Variants in BTBD17 observed in about 807,000 individuals in gnomAD.
BTBD17 encodes BTB/POZ domain-containing protein 17.
BTBD17 carries 26 observed loss-of-function variants against 36.9 expected under a neutral mutation model. The ratio of observed to expected loss-of-function variants is 0.70; its 90% confidence interval spans 0.52 to 0.98. The LOEUF (loss-of-function observed/expected upper bound fraction) is 0.98. BTBD17 is among the 50% of genes least tolerant of loss of function. The pLI is 0.00. For synonymous variants in BTBD17, 341 were observed against 338.0 expected (o/e 1.01, Z -0.10); for missense variants, 630 against 691.3 (o/e 0.91, Z 0.99).
Position 74,356,919 on chromosome 17 carries a change from C to G in BTBD17, c.1175G>C (p.Arg392Pro). The G allele has an allele frequency of 2.1e-6, 3 of 1,415,132 alleles. No individual in the cohort carries two copies. Among genetic ancestry groups the G allele is most frequent in the Non-Finnish European group, 2.7e-6 (3 of 1,096,490 alleles). 87.7% of individuals were successfully genotyped at this position (1,415,132 alleles called of 1,614,324 possible). A position where few individuals can be genotyped will look rare whatever the true frequency, so the allele number is the denominator to read the frequency against. Reference protein sequence around the residue: ...PAARPEDGRPRLVVTPASSGG... With the variant: ...PAARPEDGRPPLVVTPASSGG... The stretch of plus-strand genomic sequence containing the variant: ...GCTGCTGGCCGGCGTCACCACCAGC[C>G]GCGGTCGGCCGTCCTCCGGGCGCGC... Residue 392 changes from arginine (R) to proline (P), a missense_variant, in exon 3 of 3, where the codon CGG becomes CCG. Transcript: ENST00000375366. The surrounding 1 kb of genome is among the most constrained non-coding windows in gnomAD (Gnocchi z 4.3).
chr17:74,360,264 C>T lies in BTBD17; in HGVS notation c.86-19G>A. The T allele has an allele frequency of 6.3e-7, 1 of 1,587,766 alleles. No homozygotes were observed. The highest frequency in any genetic ancestry group is 8.6e-7 in the Non-Finnish European group (1 of 1,164,640). ...CTCTGTGCTGCAGCAGGAAGGAACA[C>T]AGCATAGCCTGAGAAGGTGCCCGGG... On this transcript the variant is annotated intron_variant, in intron 1 of 2. Coordinates refer to ENST00000375366, the MANE Select transcript of BTBD17 (RefSeq NM_001080466.2).
chr17:74,361,963 C>T, upstream of BTBD17: 1 of 643,322 alleles, frequency 1.6e-6, no homozygotes, highest in South Asian at 2.0e-5. Flanking sequence ...CAGCCTCCTC[C>T]ATGGATTGGT....
At chr17:74,360,435 C>T (rs1209820201) in intron 1 of BTBD17, among the ~76,000 whole-genome samples, 190 bp from the exon 2 acceptor site, 3 of 152,184 alleles carry the variant, frequency 2.0e-5, no homozygotes, top group Non-Finnish European at 2.9e-5. Flanking sequence ...CACATACAAA[C>T]GCACCCTGGG....
upstream of BTBD17, chr17:74,361,978 A>G: frequency 3.3e-6 from 2 of 605,122 alleles, no homozygotes; most frequent in South Asian, 2.1e-5. Context: ...ATTGGTGGAA[A>G]CTGGCCCCAG....
chr17:74,361,885 TCTTC>T, upstream of BTBD17: 1 of 1,354,134 alleles, frequency 7.4e-7, no homozygotes, highest in Non-Finnish European at 1.0e-6. Flanking sequence ...CTCACATCCC[TCTTC>T]CTTATATAGG....
chr17:74,356,476 A>C lies in BTBD17; in HGVS notation c.*181T>G. 1 of 1,019,548 alleles carries C rather than the reference A, an allele frequency of 9.8e-7. No individual in the cohort carries two copies. Among genetic ancestry groups the C allele is most frequent in the Non-Finnish European group, 1.3e-6 (1 of 779,774 alleles). The allele number at this position is 1,019,548 out of a possible 1,614,324, so 63.2% of individuals were successfully genotyped here. A position where few individuals can be genotyped will look rare whatever the true frequency, so the allele number is the denominator to read the frequency against. On this transcript the variant is annotated 3_prime_UTR_variant, in exon 3 of 3. Coordinates refer to ENST00000375366, the MANE Select transcript of BTBD17 (RefSeq NM_001080466.2). The surrounding 1 kb of genome is among the most constrained non-coding windows in gnomAD (Gnocchi z 4.3). ...GAACGTTCCTTCAAGTCAGCTGTGA[A>C]ATCAGCTCTTGAAACCAGGCATCTT...
In BTBD17 at chr17:74,356,702, G is replaced by A; in HGVS notation, c.1392C>T (p.Leu464=). ...GGGTGTGGTATACGGGCTTGACGAT[G>A]AGGTGCAGGTGCAGGGCGTTCTCAA... The part of the protein sequence containing the change: ...YLVENALHLH[L]IVKPVYHTLI... The change falls in exon 3 of 3, where the codon CTC becomes CTT. Residue 464 remains leucine (L), a synonymous_variant. Coordinates refer to ENST00000375366, the MANE Select transcript of BTBD17 (RefSeq NM_001080466.2). This position sits in a 1 kb window ranked among gnomAD's most constrained non-coding sequence, Gnocchi z 4.3. 6.3e-7 allele frequency: 1 copy of A among 1,582,460 alleles called. No individual in the cohort carries two copies. The highest frequency in any genetic ancestry group is 8.6e-7 in the Non-Finnish European group (1 of 1,164,688).
At position 74,357,629 on chromosome 17, in the gene BTBD17, G is replaced by T. The variant is rs552173183; in HGVS notation, c.465C>A (p.Ala155=). 2.1e-5 allele frequency: 33 copies of T among 1,549,618 alleles called. No homozygotes were observed. The highest frequency in any genetic ancestry group is 2.5e-5 in the Non-Finnish European group (29 of 1,149,956). Residue 155 remains alanine (A), a synonymous_variant, in exon 3 of 3, where the codon GCC becomes GCA. Transcript: ENST00000375366. The surrounding 1 kb of genome is among the most constrained non-coding windows in gnomAD (Gnocchi z 8.4). The part of the protein sequence containing the change: ...YGVSSLQRGV[A]DYMRAHLAGG... ...CCGCCAGGTGCGCGCGCATGTAGTC[G>T]GCCACGCCGCGCTGCAGGGAGGACA...
rs1481406178 is a variant in BTBD17, at chr17:74,361,806, C to T, written c.14G>A (p.Gly5Asp). The change falls in exon 1 of 3, where the codon GGC becomes GAC. Residue 5 changes from glycine to aspartate, a missense_variant. Coordinates refer to ENST00000375366, the MANE Select transcript of BTBD17 (RefSeq NM_001080466.2). ...GCCCCAGGACCCAGGCTTGGAGTAG[C>T]CTCTCCTAGGCATCTTTATGCTCAG... MPRRGYSKPGSWGSF... is the reference protein window; with the variant it reads MPRRDYSKPGSWGSF... The T allele has an allele frequency of 3.1e-6, 5 of 1,613,844 alleles. No individual in the cohort carries two copies. The highest frequency in any genetic ancestry group is 4.2e-6 in the Non-Finnish European group (5 of 1,179,836).
At chr17:74,360,934 C>G (rs1029881555) in intron 1 of BTBD17, among the ~76,000 whole-genome samples, 4 of 152,146 alleles carry the variant, frequency 2.6e-5, no homozygotes, top group Non-Finnish European at 5.9e-5. Flanking sequence ...AGGGAGGCCA[C>G]AGCAGTAGCA....
chr17:74,360,726 GATGTGGC>G (rs1428933641), intron 1 of BTBD17, among the ~76,000 whole-genome samples: 5 of 152,188 alleles, frequency 3.3e-5, no homozygotes, highest in Non-Finnish European at 7.3e-5. Context: ...AAGAGCTTGG[GATGTGGC>G]AGTGGACAAA....
In BTBD17 at chr17:74,357,736, G is replaced by T; in HGVS notation, c.363-5C>A. Reference sequence around the variant, plus strand: ...AGCTCCCCGCAGTACAGGTACCTGCGGGAGAGACCGAGAGGTGGGGCGGGG... The same window carrying T: ...AGCTCCCCGCAGTACAGGTACCTGCTGGAGAGACCGAGAGGTGGGGCGGGG... On this transcript the variant is annotated splice_polypyrimidine_tract_variant and splice_region_variant and intron_variant, in intron 2 of 2. Coordinates refer to ENST00000375366, the MANE Select transcript of BTBD17 (RefSeq NM_001080466.2). This position sits in a 1 kb window ranked among gnomAD's most constrained non-coding sequence, Gnocchi z 8.4. The T allele has an allele frequency of 1.3e-6, 2 of 1,526,138 alleles. No homozygotes were observed. Among genetic ancestry groups the T allele is most frequent in the Non-Finnish European group, 1.8e-6 (2 of 1,137,312 alleles). 94.5% of individuals were successfully genotyped at this position (1,526,138 alleles called of 1,614,324 possible).
Position 74,357,123 on chromosome 17 carries a change from G to T in BTBD17, c.971C>A (p.Pro324Gln). 1 of 1,526,802 alleles carries T rather than the reference G, an allele frequency of 6.5e-7. No homozygotes were observed. The highest frequency in any genetic ancestry group is 1.4e-5 in the African/African-American group (1 of 69,220). 94.6% of individuals were successfully genotyped at this position (1,526,802 alleles called of 1,614,324 possible). ...RNYLAPAWGAPWVINNPARDD... is the reference protein window; with the variant it reads ...RNYLAPAWGAQWVINNPARDD... ...GCGGGCCGGGTTGTTGATGACCCAC[G>T]GGGCGCCCCAGGCGGGCGCGAGGTA... Residue 324 changes from proline (P) to glutamine (Q), a missense_variant, in exon 3 of 3, where the codon CCG becomes CAG. Pro to Gln is a moderately conservative substitution (Grantham distance 76). Coordinates refer to ENST00000375366, the MANE Select transcript of BTBD17 (RefSeq NM_001080466.2). The surrounding 1 kb of genome is among the most constrained non-coding windows in gnomAD (Gnocchi z 8.4).
intron 1 of BTBD17, among the ~76,000 whole-genome samples, chr17:74,361,134 G>A (rs984554330): frequency 1.3e-5 from 2 of 152,252 alleles, no homozygotes; most frequent in Non-Finnish European, 2.9e-5. Flanking sequence ...ACTGAGCATT[G>A]AGGCTGGCCA....
Position 74,357,522 on chromosome 17 carries a change from A to G in BTBD17, c.572T>C (p.Phe191Ser). 6.4e-7 allele frequency: 1 copy of G among 1,562,284 alleles called. No individual in the cohort carries two copies. The highest frequency in any genetic ancestry group is 1.2e-5 in the South Asian group (1 of 86,542). Reference sequence around the variant, plus strand: ...CACGGCCGACAGGTTCCAGGCCAGGAACTGCAGGCAGCTCTCGCGCAGGGC... The same window carrying G: ...CACGGCCGACAGGTTCCAGGCCAGGGACTGCAGGCAGCTCTCGCGCAGGGC... Reference protein sequence around the residue: ...DEALRESCLQFLAWNLSAVAA... With the variant: ...DEALRESCLQSLAWNLSAVAA... Residue 191 changes from phenylalanine to serine, a missense_variant, in exon 3 of 3, where the codon TTC becomes TCC. Coordinates refer to ENST00000375366, the MANE Select transcript of BTBD17 (RefSeq NM_001080466.2). The surrounding 1 kb of genome is among the most constrained non-coding windows in gnomAD (Gnocchi z 8.4).
At chr17:74,362,585 T>A (rs2054947304), upstream of BTBD17, among the ~76,000 whole-genome samples, 1 of 152,196 alleles carries the variant, frequency 6.6e-6, no homozygotes, top group African/African-American at 2.4e-5. Context: ...CCCTGCCCCG[T>A]GCACCACTGC....
At position 74,356,929 on chromosome 17, in the gene BTBD17, C is replaced by T. The variant is rs1250372347; in HGVS notation, c.1165G>A (p.Gly389Ser). 56 of 1,401,948 alleles carry T rather than the reference C, an allele frequency of 4.0e-5. No homozygotes were observed. The highest frequency in any genetic ancestry group is 5.0e-5 in the Non-Finnish European group (55 of 1,090,698). 86.8% of individuals were successfully genotyped at this position (1,401,948 alleles called of 1,614,324 possible). Residue 389 changes from glycine (G) to serine (S), a missense_variant, in exon 3 of 3, where the codon GGC (glycine) becomes AGC (serine). Coordinates refer to ENST00000375366, the MANE Select transcript of BTBD17 (RefSeq NM_001080466.2). This position sits in a 1 kb window ranked among gnomAD's most constrained non-coding sequence, Gnocchi z 4.3. ...TALPAARPED[G>S]RPRLVVTPAS... ...GGCGTCACCACCAGCCGCGGTCGGC[C>T]GTCCTCCGGGCGCGCGGCGGGCAGA...
Position 74,357,540 on chromosome 17 carries a change from C to A in BTBD17, c.554G>T (p.Arg185Leu), listed in dbSNP as rs1205218022. Residue 185 changes from arginine (R) to leucine (L), a missense_variant, in exon 3 of 3, where the codon CGC (arginine) becomes CTC (leucine). Arg to Leu is a moderately radical substitution (Grantham distance 102, BLOSUM62 -2). Transcript: ENST00000375366. This position sits in a 1 kb window ranked among gnomAD's most constrained non-coding sequence, Gnocchi z 8.4. ...GGCCAGGAACTGCAGGCAGCTCTCG[C>A]GCAGGGCCTCGTCCCCGGTGCCCAC... ...YAVGTGDEAL[R>L]ESCLQFLAWN... 3 of 1,555,294 alleles carry A rather than the reference C, an allele frequency of 1.9e-6. No individual in the cohort carries two copies. The highest frequency in any genetic ancestry group is 4.8e-5 in the East Asian group (2 of 41,944).
chr17:74,359,359 GTTT>G (rs1271018911), intron 2 of BTBD17, among the ~76,000 whole-genome samples: 16 of 152,116 alleles, frequency 1.1e-4, no homozygotes, highest in African/African-American at 3.6e-4. Context: ...TTTTTTGTTT[GTTT>G]GTTTGGTTGG....
Sources: gnomAD v4.1 joint callset for allele counts (sites outside exome capture counted in the v4.1 genomes callset) on GRCh38, gnomAD v4.1.1 for gene constraint, Gnocchi (gnomAD v3.1) non-coding constraint, MANE v1.5 for transcripts, NCBI Gene and HGNC (gene_info 2026-07-23, HGNC 2026-07-21) for gene names.